The following GATA5 variants were observed in gnomAD, a reference collection of about 807,000 sequenced individuals.
GATA5 encodes the protein GATA binding protein 5, also known as transcription factor GATA-5.
GATA5 carries 27 observed loss-of-function variants against 35.0 expected under a neutral mutation model. That is an observed-to-expected ratio of 0.77 (90% CI 0.57 to 1.06). GATA5 has a LOEUF of 1.06. Among genes scored for constraint, GATA5 ranks in the 50% least tolerant of loss-of-function variants. GATA5 has a pLI of 0.00. For synonymous variants in GATA5, 306 were observed against 267.8 expected (o/e 1.14, Z -1.39); for missense variants, 612 against 580.0 (o/e 1.06, Z -0.57).
intron 2 of GATA5, among the ~76,000 whole-genome samples, chr20:62,474,327 C>T (rs1454316607): frequency 1.3e-5 from 2 of 152,204 alleles, no homozygotes; most frequent in Non-Finnish European, 2.9e-5. Context: ...GGGTGGGCGC[C>T]AGCAGCCGGG....
intron 2 of GATA5, among the ~76,000 whole-genome samples, chr20:62,474,028 G>C (rs1555896854): frequency 1.3e-5 from 2 of 151,846 alleles, no homozygotes; most frequent in South Asian, 4.2e-4. Context: ...GGGCTCTCCT[G>C]GGAACGCTAA....
chr20:62,469,457 GCA>G (rs1474887946), intron 3 of GATA5, among the ~76,000 whole-genome samples: 1 of 152,152 alleles, frequency 6.6e-6, no homozygotes, highest in Non-Finnish European at 1.5e-5. Flanking sequence ...TCACCCCTTA[GCA>G]CACACAGATA....
intron 2 of GATA5, among the ~76,000 whole-genome samples, chr20:62,474,516 C>T (rs1182421582): frequency 6.6e-6 from 1 of 152,184 alleles, no homozygotes; most frequent in African/African-American, 2.4e-5. Flanking sequence ...CAGAAAGTGA[C>T]TACGCTGCAA....
At chr20:62,468,802 G>A (rs544497563) in intron 3 of GATA5, among the ~76,000 whole-genome samples, 48 of 152,366 alleles carry the variant, frequency 3.2e-4, no homozygotes, top group African/African-American at 1.1e-3. Context: ...TGCTCACGCT[G>A]GAGGGCCCAG....
At chr20:62,465,312 G>A (rs1989553460) in intron 6 of GATA5, 28 bp downstream of exon 6, 2 of 1,573,368 alleles carry the variant, frequency 1.3e-6, no homozygotes, top group African/African-American at 2.7e-5. Flanking sequence ...CCCAGCTCTG[G>A]GCACCCCACC....
Position 62,464,755 on chromosome 20 carries a change from G to T in GATA5, c.*81C>A. 7.8e-7 allele frequency: 1 copy of T among 1,276,350 alleles called. No individual in the cohort carries two copies. The highest frequency in any genetic ancestry group is 1.1e-6 in the Non-Finnish European group (1 of 933,648). The allele number at this position is 1,276,350 out of a possible 1,614,324, so 79.1% of individuals were successfully genotyped here. A position where few individuals can be genotyped will look rare whatever the true frequency, so the allele number is the denominator to read the frequency against. On this transcript the variant is annotated 3_prime_UTR_variant, in exon 7 of 7. Transcript: ENST00000252997. The stretch of plus-strand genomic sequence containing the variant: ...TGGGGGGCCTGCTGGTCTCTGCTGT[G>T]CTGGAGCAAAGCAGGCACGGAGGTG...
intron 3 of GATA5, among the ~76,000 whole-genome samples, chr20:62,471,730 C>A (rs1343954021): frequency 1.4e-5 from 2 of 147,422 alleles, no homozygotes; most frequent in East Asian, 2.0e-4. Context: ...TGCACAGGAC[C>A]AATTTATTTA....
At chr20:62,474,749 G>A (rs1335760692) in intron 2 of GATA5, among the ~76,000 whole-genome samples, 2 of 152,264 alleles carry the variant, frequency 1.3e-5, no homozygotes, top group African/African-American at 4.8e-5. Context: ...CTCCACATTG[G>A]CACAATCCGG....
At chr20:62,472,143 C>A (rs957779584) in intron 3 of GATA5, among the ~76,000 whole-genome samples, 2 of 152,122 alleles carry the variant, frequency 1.3e-5, no homozygotes, top group African/African-American at 4.8e-5. Flanking sequence ...AGAGTCACAG[C>A]GGCACACAAG....
intron 3 of GATA5, among the ~76,000 whole-genome samples, chr20:62,471,263 G>A (rs1989712579): frequency 6.6e-6 from 1 of 152,014 alleles, no homozygotes; most frequent in African/African-American, 2.4e-5. Flanking sequence ...TGGGGAGAGT[G>A]GATACAGCCA....
At chr20:62,467,000 C>T (rs1470938323) in intron 3 of GATA5, among the ~76,000 whole-genome samples, 4 of 152,218 alleles carry the variant, frequency 2.6e-5, no homozygotes, top group African/African-American at 4.8e-5. Context: ...CCTCCCAGGC[C>T]GGGGGGCCCC....
intron 3 of GATA5, among the ~76,000 whole-genome samples, chr20:62,472,221 C>T (rs782321149): frequency 2.0e-5 from 3 of 152,070 alleles, no homozygotes; most frequent in Non-Finnish European, 2.9e-5. Flanking sequence ...GCTGGGCCTG[C>T]AGAGCCCCAG....
Position 62,464,985 on chromosome 20 carries a change from C to T in GATA5, c.1045G>A (p.Gly349Ser), listed in dbSNP as rs781800474. 4.4e-6 allele frequency: 7 copies of T among 1,573,124 alleles called. No individual in the cohort carries two copies. Among genetic ancestry groups the T allele is most frequent in the African/African-American group, 1.5e-5 (1 of 68,302 alleles). Residue 349 changes from glycine to serine, a missense_variant, in exon 7 of 7, where the codon GGC (glycine) becomes AGC (serine). Coordinates refer to ENST00000252997, the MANE Select transcript of GATA5 (RefSeq NM_080473.5). ...GGGGCAAGAGAGTCATCCTCCTGGC[C>T]AGAGGCCTGCAGGGACAGGAGAGCG... ...PGPSMAPQAS[G>S]QEDDSLAPGH...
intron 3 of GATA5, among the ~76,000 whole-genome samples, chr20:62,469,365 G>A (rs1188632155): frequency 6.6e-6 from 1 of 152,148 alleles, no homozygotes; most frequent in African/African-American, 2.4e-5. Context: ...AGCAGTCCCC[G>A]CCTTCAGACT....
chr20:62,472,088 G>C (rs1012185810), intron 3 of GATA5, among the ~76,000 whole-genome samples: 1 of 152,026 alleles, frequency 6.6e-6, no homozygotes, highest in Non-Finnish European at 1.5e-5. Flanking sequence ...CTCAGTGAGG[G>C]CCACGTGGAC....
Position 62,464,659 on chromosome 20 carries a change from GC to G in GATA5, c.*176del, listed in dbSNP as rs1989531385. On this transcript the variant is annotated 3_prime_UTR_variant, in exon 7 of 7. Transcript: ENST00000252997. The stretch of plus-strand genomic sequence containing the variant: ...CCCTCACCAGCCTTCTTGCTCTGGG[GC>G]CCGACTGCCGTCTGTCCAGAAGGCC... 1.9e-6 allele frequency: 1 copy of G among 512,932 alleles called. No homozygotes were observed. The highest frequency in any genetic ancestry group is 2.0e-5 in the African/African-American group (1 of 49,928). The allele number at this position is 512,932 out of a possible 1,614,324, so 31.8% of individuals were successfully genotyped here. A position where few individuals can be genotyped will look rare whatever the true frequency, so the allele number is the denominator to read the frequency against.
chr20:62,465,585 A>G, intron 5 of GATA5, 121 bp from the exon 6 acceptor site: 1 of 1,334,066 alleles, frequency 7.5e-7, no homozygotes, highest in Non-Finnish European at 1.0e-6. Flanking sequence ...TCACGGTCAC[A>G]CCGCAGGCGT....
chr20:62,470,449 G>A lies in GATA5; in HGVS notation c.699+2954C>T, dbSNP rs577023919. Among the ~76,000 whole-genome samples the A allele has an allele frequency of 3.3e-5, 5 of 152,342 alleles. No homozygotes were observed. The South Asian group carries it at 8.3e-4, about 25-fold the overall frequency. ...AATTCAAACAGGTCCCCTCCTGGAG[G>A]GGGGATGTAGTAAGCACTTGATACA... On this transcript the variant is annotated intron_variant, in intron 3 of 6. Coordinates refer to ENST00000252997, the MANE Select transcript of GATA5 (RefSeq NM_080473.5). This position sits in a 1 kb window ranked among gnomAD's most constrained non-coding sequence, Gnocchi z 4.6.
At chr20:62,474,000 A>G (rs1173456828) in intron 2 of GATA5, among the ~76,000 whole-genome samples, 1 of 146,322 alleles carries the variant, frequency 6.8e-6, no homozygotes, top group Non-Finnish European at 1.5e-5. Context: ...TATCTGGCAG[A>G]CACTCTTGGG....
Sources: allele counts gnomAD v4.1 joint callset (sites outside exome capture counted in the v4.1 genomes callset), GRCh38; gene constraint gnomAD v4.1.1; non-coding constraint Gnocchi (gnomAD v3.1); transcripts MANE v1.5; gene names NCBI Gene and HGNC (gene_info 2026-07-23, HGNC 2026-07-21).